Variants in USP31 observed in about 807,000 individuals in gnomAD.
USP31 encodes ubiquitin specific peptidase 31, also known as ubiquitin carboxyl-terminal hydrolase 31.
Under a neutral mutation model 119.4 loss-of-function variants are expected in USP31, and 44 were observed. The observed-to-expected ratio is 0.37, with a 90% confidence interval of 0.29 to 0.47. The LOEUF (loss-of-function observed/expected upper bound fraction) is 0.47, where lower values mean the gene tolerates loss of function less well. USP31 is among the 20% of genes least tolerant of loss of function. The pLI is 0.99. For synonymous variants in USP31, 749 were observed against 705.6 expected, an observed-to-expected ratio of 1.06 and a Z score of -0.97; for missense variants, 1,643 against 1,730.2, an observed-to-expected ratio of 0.95 and a Z score of 0.89.
intron 7 of USP31, among the ~76,000 whole-genome samples, chr16:23,090,325 G>A (rs1386590765): frequency 6.6e-6 from 1 of 152,170 alleles, no homozygotes; most frequent in Non-Finnish European, 1.5e-5. Context: ...GGCAGAGGTT[G>A]CAGTGAACCG....
In USP31 at chr16:23,087,110, C is replaced by T; in HGVS notation, c.1604G>A (p.Cys535Tyr). 6.2e-7 allele frequency: 1 copy of T among 1,612,960 alleles called. No individual in the cohort carries two copies. The highest frequency in any genetic ancestry group is 8.5e-7 in the Non-Finnish European group (1 of 1,179,622). Reference protein sequence around the residue: ...YLLPQEEQPLCHPIVERALKS... With the variant: ...YLLPQEEQPLYHPIVERALKS... ...TTTTTACCTTTCTACTATTGGGTGG[C>T]ACAAGGGCTGCTCCTCCTGGGGCAG... Residue 535 changes from cysteine (C) to tyrosine (Y), a missense_variant, in exon 9 of 16, where the codon TGC becomes TAC. Physicochemically the swap from Cys to Tyr is radical, Grantham distance 194. Around this residue, in one of 5 missense-constraint regions of USP31, gnomAD observed 219 missense variants for 226.4 expected, o/e 0.97. Transcript: ENST00000219689.
intron 12 of USP31, 49 bp downstream of exon 12, chr16:23,082,389 A>AGAAACTTGTCACAACTTGTTTGTTCCT: frequency 6.2e-7 from 1 of 1,608,534 alleles, no homozygotes; most frequent in South Asian, 1.1e-5. Context: ...AGGGGGCATA[A>AGAAACTTGTCACAACTTGTTTGTTCCT]GAAACTTGTC....
At chr16:23,086,208 A>G (rs955116922) in intron 9 of USP31, among the ~76,000 whole-genome samples, 16 of 152,154 alleles carry the variant, frequency 1.1e-4, no homozygotes, top group African/African-American at 2.2e-4. Flanking sequence ...TTGTTATGCA[A>G]TATTTTGGAT....
intron 15 of USP31, among the ~76,000 whole-genome samples, chr16:23,071,455 A>G (rs1023104655): frequency 6.9e-6 from 1 of 143,962 alleles, no homozygotes; most frequent in African/African-American, 2.6e-5. Context: ...CCCAAGCAGA[A>G]AGTGAAAGTT....
chr16:23,129,362 G>A (rs1372615834), intron 1 of USP31, among the ~76,000 whole-genome samples: 3 of 152,110 alleles, frequency 2.0e-5, no homozygotes, highest in Non-Finnish European at 4.4e-5. Flanking sequence ...ACATATATAT[G>A]TGTGTGACAG....
At position 23,085,679 on chromosome 16, in the gene USP31, G is replaced by A. The variant is rs771369162; in HGVS notation, c.1623-17C>T. 6.3e-7 allele frequency: 1 copy of A among 1,597,226 alleles called. No homozygotes were observed. The highest frequency in any genetic ancestry group is 8.6e-7 in the Non-Finnish European group (1 of 1,166,910). ...TTTAATGCCCTATAGAACCAGGGAAGTGGAGAGGGAAGCCACATATTATTT... is the reference window on the plus strand; with the variant it reads ...TTTAATGCCCTATAGAACCAGGGAAATGGAGAGGGAAGCCACATATTATTT... On this transcript the variant is annotated splice_polypyrimidine_tract_variant and intron_variant, in intron 9 of 15. Coordinates refer to ENST00000219689, the MANE Select transcript of USP31 (RefSeq NM_020718.4).
At chr16:23,072,545 C>T (rs758976692) in intron 14 of USP31, 2 of 570,726 alleles carry the variant, frequency 3.5e-6, no homozygotes, top group South Asian at 4.8e-5. Flanking sequence ...GAAGCATCTA[C>T]ATGCCAGGCA....
intron 5 of USP31, among the ~76,000 whole-genome samples, chr16:23,103,016 G>C (rs1192221566): frequency 6.6e-6 from 1 of 152,158 alleles, no homozygotes; most frequent in East Asian, 1.9e-4. Flanking sequence ...CCTAGTGCAA[G>C]GGTTCCTACA....
At chr16:23,102,506 C>T (rs772372237) in intron 5 of USP31, 43 bp from the exon 6 acceptor site, 17 of 1,581,260 alleles carry the variant, frequency 1.1e-5, no homozygotes, top group East Asian at 4.5e-5. Flanking sequence ...ACTGGAAATT[C>T]GATACTAATT....
rs571747654 is a variant in USP31, at chr16:23,072,299, G to A, written c.2336-102C>T. The A allele has an allele frequency of 1.9e-4, 285 of 1,481,212 alleles. 1 individual carries two copies. Among genetic ancestry groups the A allele is most frequent in the Middle Eastern group, 1.4e-3 (8 of 5,714 alleles). The allele number at this position is 1,481,212 out of a possible 1,614,324, so 91.8% of individuals were successfully genotyped here. On this transcript the variant is annotated intron_variant, in intron 14 of 15. Transcript: ENST00000219689. ...GGTGTTACGAGCTGAGCTGGGGGGCGTTGATGTCCTCACCCCGAGGTCAGC... is the reference window on the plus strand; with the variant it reads ...GGTGTTACGAGCTGAGCTGGGGGGCATTGATGTCCTCACCCCGAGGTCAGC...
At chr16:23,129,273 A>G (rs367712116) in intron 1 of USP31, among the ~76,000 whole-genome samples, 179 of 152,354 alleles carry the variant, frequency 1.2e-3, no homozygotes, top group African/African-American at 4.1e-3. Flanking sequence ...GTATCAATCC[A>G]TTGAAATTTT....
intron 1 of USP31, among the ~76,000 whole-genome samples, chr16:23,142,706 G>A (rs748503173): frequency 2.0e-5 from 3 of 152,184 alleles, no homozygotes; most frequent in African/African-American, 4.8e-5. Context: ...AAAACTTCAT[G>A]ATTCTATCAA....
Position 23,063,496 on chromosome 16 carries a change from A to G in USP31, c.*4550T>C, listed in dbSNP as rs932812487. On this transcript the variant is annotated 3_prime_UTR_variant, in exon 16 of 16. Coordinates refer to ENST00000219689, the MANE Select transcript of USP31 (RefSeq NM_020718.4). ...AAAATGGCAGGTTATTTTTAGAACA[A>G]AACACTTTAGGAAAGTCTTCAGGCT... The G allele has an allele frequency of 6.5e-6, 1 of 152,672 alleles. No individual in the cohort carries two copies. The highest frequency in any genetic ancestry group is 6.5e-5 in the Admixed American group (1 of 15,286). 9.5% of individuals were successfully genotyped at this position (152,672 alleles called of 1,614,324 possible).
At chr16:23,125,598 T>C (rs376855470) in intron 1 of USP31, among the ~76,000 whole-genome samples, 1 of 152,246 alleles carries the variant, frequency 6.6e-6, no homozygotes. Context: ...AACTAGTAGA[T>C]ATTTTCCACG....
intron 12 of USP31, among the ~76,000 whole-genome samples, chr16:23,081,569 C>A (rs35548855): frequency 7.9e-5 from 12 of 151,972 alleles, no homozygotes; most frequent in Admixed American, 1.3e-4. Flanking sequence ...TTCTTGTAGC[C>A]TCTAATCTGT....
At chr16:23,121,366 T>C (rs1902663439) in intron 1 of USP31, among the ~76,000 whole-genome samples, 1 of 152,064 alleles carries the variant, frequency 6.6e-6, no homozygotes, top group Non-Finnish European at 1.5e-5. Context: ...GAATCAGATC[T>C]CCTAAAAACC....
At position 23,072,408 on chromosome 16, in the gene USP31, G is replaced by A. The variant is rs760763133; in HGVS notation, c.2336-211C>T. 24 of 642,346 alleles carry A rather than the reference G, an allele frequency of 3.7e-5. No individual in the cohort carries two copies. In the Admixed American group the frequency reaches 5.1e-4, roughly 14 times the overall value. 39.8% of individuals were successfully genotyped at this position (642,346 alleles called of 1,614,324 possible). ...AAAGATGTAAGGCAGACTTCCTGAC[G>A]CATGAAATTTGTAGTAATAAAATGC... On this transcript the variant is annotated intron_variant, in intron 14 of 15. Transcript: ENST00000219689.
At chr16:23,142,428 G>GA (rs1463397904) in intron 1 of USP31, among the ~76,000 whole-genome samples, 1 of 152,174 alleles carries the variant, frequency 6.6e-6, no homozygotes, top group African/African-American at 2.4e-5. Context: ...AGTCTCAGAG[G>GA]AAAAAATGTT....
chr16:23,079,740 C>G, intron 13 of USP31: 1 of 503,630 alleles, frequency 2.0e-6, no homozygotes. Flanking sequence ...AGTCAGCTAC[C>G]TACTGGACGA....
Sources: allele counts gnomAD v4.1 joint callset (sites outside exome capture counted in the v4.1 genomes callset), GRCh38; gene constraint gnomAD v4.1.1; regional missense constraint gnomAD v4.1.1; transcripts MANE v1.5; gene names NCBI Gene and HGNC (gene_info 2026-07-23, HGNC 2026-07-21).